NEURL1B: variants seen among roughly 807,000 people sequenced by gnomAD.
NEURL1B encodes neuralized E3 ubiquitin protein ligase 1B.
NEURL1B carries 13 observed loss-of-function variants against 37.4 expected under a neutral mutation model. That is an observed-to-expected ratio of 0.35 (90% CI 0.23 to 0.55). NEURL1B has a LOEUF of 0.55. NEURL1B is among the 20% of genes least tolerant of loss of function. NEURL1B has a pLI of 0.89. For synonymous variants in NEURL1B, 432 were observed against 426.6 expected (o/e 1.01, Z -0.16); for missense variants, 790 against 879.2 (o/e 0.90, Z 1.28).
At chr5:172,663,513 T>C (rs1180414949) in intron 1 of NEURL1B, among the ~76,000 whole-genome samples, 2 of 101,836 alleles carry the variant, frequency 2.0e-5, no homozygotes, top group Admixed American at 1.1e-4. Flanking sequence ...AGAGGAAGAC[T>C]CCATCTCAAA....
Position 172,665,319 on chromosome 5 carries a change from C to T in NEURL1B, c.32-4466C>T, listed in dbSNP as rs1486228720. Reference sequence around the variant, plus strand: ...TGAGCGTGGACAGCACAGGCTTCTGCTGTCCCTGAGCTATCTCTGCCGATG... The same window carrying T: ...TGAGCGTGGACAGCACAGGCTTCTGTTGTCCCTGAGCTATCTCTGCCGATG... On this transcript the variant is annotated intron_variant, in intron 1 of 4. Coordinates refer to ENST00000369800, the MANE Select transcript of NEURL1B (RefSeq NM_001142651.3). This position sits in a 1 kb window ranked among gnomAD's most constrained non-coding sequence, Gnocchi z 4.1. Among the ~76,000 whole-genome samples, 1 of 152,224 alleles carries T rather than the reference C, an allele frequency of 6.6e-6. No individual in the cohort carries two copies. The highest frequency in any genetic ancestry group is 1.5e-5 in the Non-Finnish European group (1 of 68,028).
chr5:172,657,368 C>T lies in NEURL1B; in HGVS notation c.32-12417C>T, dbSNP rs1205241800. Reference sequence around the variant, plus strand: ...GTGCCGAGGCAAGAGACTGAAGGCACAAACTGTTTCAGTATAATAAAGAAA... The same window carrying T: ...GTGCCGAGGCAAGAGACTGAAGGCATAAACTGTTTCAGTATAATAAAGAAA... On this transcript the variant is annotated intron_variant, in intron 1 of 4. Coordinates refer to ENST00000369800, the MANE Select transcript of NEURL1B (RefSeq NM_001142651.3). This position sits in a 1 kb window ranked among gnomAD's most constrained non-coding sequence, Gnocchi z 4.0. Among the ~76,000 whole-genome samples the T allele has an allele frequency of 3.9e-5, 6 of 151,990 alleles. No individual in the cohort carries two copies.
intron 1 of NEURL1B, among the ~76,000 whole-genome samples, chr5:172,654,537 A>G (rs542179133): frequency 9.7e-4 from 147 of 151,914 alleles, no homozygotes; most frequent in African/African-American, 3.5e-3. Flanking sequence ...ATCTAACAGA[A>G]TAGCCCCATA....
intron 1 of NEURL1B, among the ~76,000 whole-genome samples, chr5:172,648,307 C>T (rs946704629): frequency 6.6e-6 from 1 of 152,230 alleles, no homozygotes; most frequent in Non-Finnish European, 1.5e-5. Context: ...TATGTATTCA[C>T]TGGGAGATGA....
At chr5:172,644,420 A>T (rs1757524304) in intron 1 of NEURL1B, among the ~76,000 whole-genome samples, 1 of 152,224 alleles carries the variant, frequency 6.6e-6, no homozygotes, top group Non-Finnish European at 1.5e-5. Context: ...CGTGATTTAG[A>T]TAACATTTAT....
rs958674119 is a variant in NEURL1B at position 172,661,818 on chromosome 5, C to CT, written c.32-7966dup. Among the ~76,000 whole-genome samples, 1 of 152,212 alleles carries CT rather than the reference C, an allele frequency of 6.6e-6. No homozygotes were observed. Among genetic ancestry groups the CT allele is most frequent in the African/African-American group, 2.4e-5 (1 of 41,460 alleles). On this transcript the variant is annotated intron_variant, in intron 1 of 4. Transcript: ENST00000369800. The surrounding 1 kb of genome is among the most constrained non-coding windows in gnomAD (Gnocchi z 4.0). The stretch of plus-strand genomic sequence containing the variant: ...TGACGGTAACTGCCATTTCCTTGGG[C>CT]TCTTTTTAGATCAAAGGAAGGGCTA...
At position 172,691,053 on chromosome 5, in the gene NEURL1B, T is replaced by C. The variant is rs1486551692; in HGVS notation, c.*4128T>C. The C allele has an allele frequency of 2.0e-5, 3 of 152,242 alleles. No individual in the cohort carries two copies. The highest frequency in any genetic ancestry group is 7.2e-5 in the African/African-American group (3 of 41,462). 9.4% of individuals were successfully genotyped at this position (152,242 alleles called of 1,614,324 possible). Reference sequence around the variant, plus strand: ...ATTTCTCGGTATTTAACTGTCTCGCTGTCTTATCCGAGTCCCTAATGAAAC... The same window carrying C: ...ATTTCTCGGTATTTAACTGTCTCGCCGTCTTATCCGAGTCCCTAATGAAAC... On this transcript the variant is annotated 3_prime_UTR_variant, in exon 5 of 5. Coordinates refer to ENST00000369800, the MANE Select transcript of NEURL1B (RefSeq NM_001142651.3).
chr5:172,647,833 C>T lies in NEURL1B; in HGVS notation c.31+6396C>T, dbSNP rs1035834476. ...TTCTGTGCTCCTTCTTCCTGCCCAA[C>T]TAGGACTCAGGCTCCTGACTCATCT... is the stretch of plus-strand genomic sequence containing the variant. On this transcript the variant is annotated intron_variant, in intron 1 of 4. Coordinates refer to ENST00000369800, the MANE Select transcript of NEURL1B (RefSeq NM_001142651.3). The surrounding 1 kb of genome is among the most constrained non-coding windows in gnomAD (Gnocchi z 4.2). 1.3e-5 allele frequency among the ~76,000 whole-genome samples: 2 copies of T among 152,070 alleles called. No individual in the cohort carries two copies. Among genetic ancestry groups the T allele is most frequent in the Non-Finnish European group, 2.9e-5 (2 of 68,008 alleles).
At position 172,690,713 on chromosome 5, in the gene NEURL1B, G is replaced by C. The variant is rs891803513; in HGVS notation, c.*3788G>C. On this transcript the variant is annotated 3_prime_UTR_variant, in exon 5 of 5. Coordinates refer to ENST00000369800, the MANE Select transcript of NEURL1B (RefSeq NM_001142651.3). ...GCTGCCTTCTTGACCAGAACCTGCT[G>C]TGCGCTTCACAGAACCTCCTCTTCA... is the stretch of plus-strand genomic sequence containing the variant. 6.8e-6 allele frequency: 1 copy of C among 146,178 alleles called. No individual in the cohort carries two copies. Among genetic ancestry groups the C allele is most frequent in the Non-Finnish European group, 1.5e-5 (1 of 68,058 alleles). 9.1% of individuals were successfully genotyped at this position (146,178 alleles called of 1,614,324 possible). A position where few individuals can be genotyped will look rare whatever the true frequency, so the allele number is the denominator to read the frequency against.
Position 172,669,818 on chromosome 5 carries a change from G to A in NEURL1B, c.65G>A (p.Arg22Gln), listed in dbSNP as rs1758085364. The stretch of plus-strand genomic sequence containing the variant: ...CCACCGGCGCGCCTCCTGGCCACCC[G>A]GCCGTGCTGCGGCCCCGGCCCCGAG... ...PSPPARLLAT[R>Q]PCCGPGPERR... Residue 22 changes from arginine to glutamine, a missense_variant, in exon 2 of 5, where the codon CGG becomes CAG. By Grantham distance (43) the Arg-to-Gln change is conservative. This residue lies in a region of NEURL1B where 215 missense variants were observed against 309.2 expected (regional missense o/e 0.70). Coordinates refer to ENST00000369800, the MANE Select transcript of NEURL1B (RefSeq NM_001142651.3). 1.5e-6 allele frequency: 2 copies of A among 1,301,510 alleles called. No homozygotes were observed. Among genetic ancestry groups the A allele is most frequent in the East Asian group, 6.7e-5 (2 of 29,678 alleles). The allele number at this position is 1,301,510 out of a possible 1,614,324, so 80.6% of individuals were successfully genotyped here.
At chr5:172,677,877 C>T (rs547421910) in intron 2 of NEURL1B, among the ~76,000 whole-genome samples, 1 of 152,212 alleles carries the variant, frequency 6.6e-6, no homozygotes, top group South Asian at 2.1e-4. Context: ...TGCCCTCCCT[C>T]CCTCAGGGCA....
At chr5:172,682,151 A>C (rs1758365477) in intron 2 of NEURL1B, among the ~76,000 whole-genome samples, 4 of 152,372 alleles carry the variant, frequency 2.6e-5, no homozygotes, top group Middle Eastern at 3.4e-3. Flanking sequence ...GTAATCTACT[A>C]AAGTACGAAT....
At chr5:172,667,439 C>G (rs1221033263) in intron 1 of NEURL1B, among the ~76,000 whole-genome samples, 1 of 130,328 alleles carries the variant, frequency 7.7e-6, no homozygotes, top group African/African-American at 3.7e-5. Context: ...GAGAAAGACT[C>G]CATTTCAAAA....
At chr5:172,673,591 TAAAC>T (rs1194487546) in intron 2 of NEURL1B, among the ~76,000 whole-genome samples, 1 of 151,982 alleles carries the variant, frequency 6.6e-6, no homozygotes. Flanking sequence ...GAATTTCAGA[TAAAC>T]AAGGAAAAAA....
At chr5:172,664,419 C>T (rs1418668818) in intron 1 of NEURL1B, among the ~76,000 whole-genome samples, 1 of 150,680 alleles carries the variant, frequency 6.6e-6, no homozygotes, top group East Asian at 2.0e-4. Context: ...CCACAGTTCT[C>T]ATGTGGGATC....
intron 1 of NEURL1B, among the ~76,000 whole-genome samples, chr5:172,658,893 G>A (rs1258704354): frequency 6.6e-5 from 10 of 152,128 alleles, no homozygotes; most frequent in African/African-American, 2.4e-4. Context: ...CAGCCCTGGG[G>A]CTCCGTCCCC....
Position 172,683,573 on chromosome 5 carries a change from C to CCG in NEURL1B, c.736_737dup (p.Gly248ArgfsTer44), listed in dbSNP as rs1439304573. The CCG allele has an allele frequency of 2.1e-6, 3 of 1,403,714 alleles. No individual in the cohort carries two copies. The highest frequency in any genetic ancestry group is 6.1e-5 in the Admixed American group (2 of 32,842). The allele number at this position is 1,403,714 out of a possible 1,614,324, so 87.0% of individuals were successfully genotyped here. A position where few individuals can be genotyped will look rare whatever the true frequency, so the allele number is the denominator to read the frequency against. ...CCAAGCTGGGCCACCTGGCGCTGGG[C>CCG]CGCGCCCCGGGCCCACCGCCAGCCG... On this transcript the variant is annotated frameshift_variant, in exon 3 of 5. Coordinates refer to ENST00000369800, the MANE Select transcript of NEURL1B (RefSeq NM_001142651.3). LOFTEE classifies it high-confidence loss of function. This position sits in a 1 kb window ranked among gnomAD's most constrained non-coding sequence, Gnocchi z 5.6.
Position 172,682,836 on chromosome 5 carries a change from C to G in NEURL1B, c.578-583C>G, listed in dbSNP as rs1203048697. 6.6e-5 allele frequency among the ~76,000 whole-genome samples: 10 copies of G among 152,290 alleles called. No homozygotes were observed. The East Asian group carries it at 1.9e-3, about 29-fold the overall frequency. ...GCTTTGCCACTTAGTAGCCATGTGC[C>G]CTTGGTCATGTTCCCCAACCCCTCT... On this transcript the variant is annotated intron_variant, in intron 2 of 4. Coordinates refer to ENST00000369800, the MANE Select transcript of NEURL1B (RefSeq NM_001142651.3).
In NEURL1B at chr5:172,670,349, G is replaced by GC; in HGVS notation, c.577+24dup. On this transcript the variant is annotated intron_variant, in intron 2 of 4. Transcript: ENST00000369800. ...CTTCTGGGTAGGTCGCGGGCGCGGCGCCCCCTGGGGACCTGGCAGCGGTGC... is the reference window on the plus strand; with the variant it reads ...CTTCTGGGTAGGTCGCGGGCGCGGCGCCCCCCTGGGGACCTGGCAGCGGTGC... 1 of 1,344,488 alleles carries GC rather than the reference G, an allele frequency of 7.4e-7. No individual in the cohort carries two copies. 83.3% of individuals were successfully genotyped at this position (1,344,488 alleles called of 1,614,324 possible). A position where few individuals can be genotyped will look rare whatever the true frequency, so the allele number is the denominator to read the frequency against.
Sources: gnomAD v4.1 joint callset for allele counts (sites outside exome capture counted in the v4.1 genomes callset) on GRCh38, gnomAD v4.1.1 for gene constraint, gnomAD v4.1.1 regional missense constraint, Gnocchi (gnomAD v3.1) non-coding constraint, MANE v1.5 for transcripts, NCBI Gene and HGNC (gene_info 2026-07-23, HGNC 2026-07-21) for gene names.